Variants in RPS6KC1 observed in about 807,000 individuals in gnomAD.
RPS6KC1 encodes inactive ribosomal protein S6 kinase delta-1.
A neutral mutation model predicts 103.8 loss-of-function variants in RPS6KC1; 54 were observed. That is an observed-to-expected ratio of 0.52 (90% CI 0.42 to 0.65). The LOEUF (loss-of-function observed/expected upper bound fraction) is 0.65. Among genes scored for constraint, RPS6KC1 ranks in the 30% least tolerant of loss-of-function variants. The pLI is 0.00. For missense variants in RPS6KC1, 1,151 were observed against 1,253.8 expected, an observed-to-expected ratio of 0.92 and a Z score of 1.24; for synonymous variants, 439 against 438.7, an observed-to-expected ratio of 1.00 and a Z score of -0.01.
the RPS6KC1 span, among the ~76,000 whole-genome samples, chr1:213,448,384 G>A: frequency 6.6e-6 from 1 of 152,126 alleles, no homozygotes; most frequent in African/African-American, 2.4e-5. Flanking sequence ...GGGAATCTGT[G>A]TGTTTTTCGA....
chr1:213,573,340 G>A, the RPS6KC1 span, among the ~76,000 whole-genome samples: 1 of 152,190 alleles, frequency 6.6e-6, no homozygotes, highest in Non-Finnish European at 1.5e-5. Flanking sequence ...AGCCATTGAA[G>A]AAAACCCTTA....
chr1:213,698,106 A>G, the RPS6KC1 span, among the ~76,000 whole-genome samples: 3 of 152,188 alleles, frequency 2.0e-5, no homozygotes, highest in Admixed American at 2.0e-4. Flanking sequence ...GAAATATTAA[A>G]TGCATTTTTG....
At chr1:213,783,915 A>C in the RPS6KC1 span, among the ~76,000 whole-genome samples, 3 of 151,800 alleles carry the variant, frequency 2.0e-5, no homozygotes, top group Non-Finnish European at 4.4e-5. Context: ...ATCAAATCCA[A>C]TTCTATTGTT....
the RPS6KC1 span, among the ~76,000 whole-genome samples, chr1:213,539,656 G>A: frequency 2.0e-5 from 3 of 152,196 alleles, no homozygotes; most frequent in Non-Finnish European, 2.9e-5. Context: ...ATGCCCAGCT[G>A]TCTCTAGTGA....
the RPS6KC1 span, among the ~76,000 whole-genome samples, chr1:213,399,825 C>T: frequency 6.6e-6 from 1 of 152,142 alleles, no homozygotes; most frequent in African/African-American, 2.4e-5. Flanking sequence ...CTTGGAGTGG[C>T]ATGCTGTTTT....
chr1:213,486,558 G>T, the RPS6KC1 span, among the ~76,000 whole-genome samples: 56,689 of 151,968 alleles, frequency 0.37, 11,517 homozygotes, highest in East Asian at 0.64. Context: ...AGTACTTTTG[G>T]GTGAACCTCT....
chr1:213,757,910 C>T, the RPS6KC1 span, among the ~76,000 whole-genome samples: 1 of 152,188 alleles, frequency 6.6e-6, no homozygotes, highest in Non-Finnish European at 1.5e-5. Context: ...TCTGCTTGTG[C>T]TCTATCAATG....
the RPS6KC1 span, among the ~76,000 whole-genome samples, chr1:213,714,271 ATGTTAGCACT>A: frequency 6.6e-6 from 1 of 152,244 alleles, no homozygotes; most frequent in African/African-American, 2.4e-5. Context: ...TGTTATATAG[ATGTTAGCACT>A]TGTTGTTATT....
chr1:213,129,229 C>T (rs1296826245), intron 5 of RPS6KC1, among the ~76,000 whole-genome samples: 3 of 152,194 alleles, frequency 2.0e-5, no homozygotes, highest in Non-Finnish European at 4.4e-5. Context: ...CAACAGCTTT[C>T]TGTAAATAGC....
chr1:213,055,189 G>C (rs1049139192), intron 1 of RPS6KC1, among the ~76,000 whole-genome samples: 2 of 152,122 alleles, frequency 1.3e-5, no homozygotes, highest in South Asian at 2.1e-4. Flanking sequence ...CACTGCACAA[G>C]TTCCCTCATG....
At chr1:213,733,396 C>A in the RPS6KC1 span, among the ~76,000 whole-genome samples, 1 of 151,930 alleles carries the variant, frequency 6.6e-6, no homozygotes, top group African/African-American at 2.4e-5. Context: ...TATGCCACCA[C>A]AGCCAATTTT....
intron 3 of RPS6KC1, 130 bp from the exon 4 acceptor site, chr1:213,104,322 TCA>T: frequency 1.9e-6 from 1 of 531,610 alleles, no homozygotes; most frequent in Non-Finnish European, 3.4e-6. Flanking sequence ...AGATTTGACT[TCA>T]GAAGTTTGCA....
the RPS6KC1 span, among the ~76,000 whole-genome samples, chr1:213,578,701 A>G: frequency 2.0e-5 from 3 of 152,188 alleles, no homozygotes; most frequent in Admixed American, 6.5e-5. Context: ...AATTTCTCCC[A>G]TTTGGATTGG....
chr1:213,075,618 T>G (rs1040221518), intron 2 of RPS6KC1, among the ~76,000 whole-genome samples: 7 of 152,214 alleles, frequency 4.6e-5, no homozygotes, highest in African/African-American at 1.7e-4. Flanking sequence ...GCCTCAGAAC[T>G]GCTGCTGCTT....
chr1:213,537,384 T>C, the RPS6KC1 span, among the ~76,000 whole-genome samples: 1 of 152,186 alleles, frequency 6.6e-6, no homozygotes. Flanking sequence ...GGGGTTGGAC[T>C]TGAGAGTTGG....
At chr1:213,057,695 G>A (rs1448251400) in intron 1 of RPS6KC1, among the ~76,000 whole-genome samples, 5 of 143,376 alleles carry the variant, frequency 3.5e-5, no homozygotes, top group Admixed American at 2.1e-4. Flanking sequence ...GGTTTGATAT[G>A]ACATTTGTAA....
In RPS6KC1 at chr1:213,274,745, G is replaced by T. The variant is rs776703775; in HGVS notation, c.*2111G>T. 6.6e-6 allele frequency: 1 copy of T among 151,832 alleles called. No homozygotes were observed. The highest frequency in any genetic ancestry group is 2.4e-5 in the African/African-American group (1 of 41,348). 9.4% of individuals were successfully genotyped at this position (151,832 alleles called of 1,614,324 possible). A position where few individuals can be genotyped will look rare whatever the true frequency, so the allele number is the denominator to read the frequency against. On this transcript the variant is annotated 3_prime_UTR_variant, in exon 15 of 15. Transcript: ENST00000366960. Reference sequence around the variant, plus strand: ...TGTTTAAGCAGAAGAGTGGAATATGGGGTCAAAATCATAAAAGAAGTTGCC... The same window carrying T: ...TGTTTAAGCAGAAGAGTGGAATATGTGGTCAAAATCATAAAAGAAGTTGCC...
chr1:213,622,646 A>G, the RPS6KC1 span, among the ~76,000 whole-genome samples: 1 of 151,906 alleles, frequency 6.6e-6, no homozygotes, highest in Non-Finnish European at 1.5e-5. Flanking sequence ...GGCTGCACGT[A>G]TGTCTCTGGG....
chr1:213,118,238 A>G (rs990193866), intron 5 of RPS6KC1, among the ~76,000 whole-genome samples: 8 of 151,858 alleles, frequency 5.3e-5, no homozygotes, highest in South Asian at 2.1e-4. Context: ...TTATTCTTCT[A>G]TTAAGGTACA....
Sources: allele counts gnomAD v4.1 joint callset (sites outside exome capture counted in the v4.1 genomes callset), GRCh38; gene constraint gnomAD v4.1.1; transcripts MANE v1.5; gene names NCBI Gene and HGNC (gene_info 2026-07-23, HGNC 2026-07-21).